The following PPP4R1 variants were observed in gnomAD, a reference collection of about 807,000 sequenced individuals.
The protein encoded by PPP4R1 is protein phosphatase 4 regulatory subunit 1.
A neutral mutation model predicts 111.2 loss-of-function variants in PPP4R1; 42 were observed. The ratio of observed to expected loss-of-function variants is 0.38; its 90% CI spans 0.29 to 0.49. The LOEUF is 0.49. PPP4R1 is among the 20% of genes least tolerant of loss of function. The probability of loss-of-function intolerance (pLI) is 0.97; values close to 1 mark genes in which losing one functional copy is unlikely to be tolerated. For synonymous variants in PPP4R1, 409 were observed against 405.5 expected (o/e 1.01, Z -0.10); for missense variants, 1,012 against 1,161.6 (o/e 0.87, Z 1.87).
At chr18:9,578,739 G>A (rs1385009183) in intron 9 of PPP4R1, among the ~76,000 whole-genome samples, 1 of 152,124 alleles carries the variant, frequency 6.6e-6, no homozygotes, top group Non-Finnish European at 1.5e-5. Context: ...TTATATGCAT[G>A]AGAGGGAAAA....
intron 13 of PPP4R1, among the ~76,000 whole-genome samples, chr18:9,561,616 T>C (rs973770202): frequency 5.9e-5 from 9 of 152,230 alleles, no homozygotes; most frequent in Non-Finnish European, 1.3e-4. Context: ...AGCTGTATTT[T>C]ATAATTATTG....
rs368725095 is a variant in PPP4R1, at chr18:9,593,880, C to T, written c.189-6G>A. On this transcript the variant is annotated splice_region_variant and splice_polypyrimidine_tract_variant and intron_variant, in intron 3 of 19. Transcript: ENST00000400556. ...AACTCCGGGCCACCATTTGTCTACA[C>T]AAAAAAAACAAAATTATGTATGTTC... 9 of 1,601,230 alleles carry T rather than the reference C, an allele frequency of 5.6e-6. No homozygotes were observed. Among genetic ancestry groups the T allele is most frequent in the East Asian group, 4.5e-5 (2 of 44,744 alleles).
chr18:9,549,932 G>A, intron 18 of PPP4R1, 120 bp downstream of exon 18: 1 of 1,411,722 alleles, frequency 7.1e-7, no homozygotes, highest in Non-Finnish European at 9.6e-7. Context: ...AAACAGCCAG[G>A]CTACTATAAG....
At chr18:9,566,924 GAT>G (rs2066777479) in intron 11 of PPP4R1, among the ~76,000 whole-genome samples, 1 of 152,142 alleles carries the variant, frequency 6.6e-6, no homozygotes, top group African/African-American at 2.4e-5. Context: ...CAAGAGCTCT[GAT>G]AGAGGCGTAT....
In PPP4R1 at chr18:9,588,731, G is replaced by A; in HGVS notation, c.418C>T (p.Leu140Phe). Residue 140 changes from leucine to phenylalanine, a missense_variant, in exon 5 of 20, where the codon CTT (leucine) becomes TTT (phenylalanine). By Grantham distance (22) the Leu-to-Phe change is conservative (BLOSUM62 0). Transcript: ENST00000400556. ...CTTACCTGATTATTCTGATCTGCAA[G>A]GTATCTAACCACAATAGGTAGTAAG... ...KFLLPIVVRY[L>F]ADQNNQVRKT... The A allele has an allele frequency of 1.9e-6, 3 of 1,611,552 alleles. No homozygotes were observed. The highest frequency in any genetic ancestry group is 2.5e-6 in the Non-Finnish European group (3 of 1,178,212).
intron 2 of PPP4R1, among the ~76,000 whole-genome samples, chr18:9,599,432 C>G (rs531634074): frequency 6.6e-6 from 1 of 152,172 alleles, no homozygotes; most frequent in African/African-American, 2.4e-5. Flanking sequence ...ATAAAGGGAA[C>G]AAGGAAGAGA....
At chr18:9,561,242 A>G (rs1306576501) in intron 13 of PPP4R1, among the ~76,000 whole-genome samples, 1 of 148,878 alleles carries the variant, frequency 6.7e-6, no homozygotes, top group African/African-American at 2.5e-5. Context: ...AATAATAATA[A>G]TAATAATAAT....
At chr18:9,584,173 A>C (rs329033) in intron 8 of PPP4R1, among the ~76,000 whole-genome samples, 17,832 of 152,206 alleles carry the variant, frequency 0.12, 1,268 homozygotes, top group Middle Eastern at 0.24. Context: ...TGTACTATTT[A>C]AAACTAACTT....
In PPP4R1 at chr18:9,550,094, A is replaced by G. The variant is rs374803778; in HGVS notation, c.2505T>C (p.Cys835=). 6.2e-7 allele frequency: 1 copy of G among 1,614,096 alleles called. No individual in the cohort carries two copies. Among genetic ancestry groups the G allele is most frequent in the Non-Finnish European group, 8.5e-7 (1 of 1,180,044 alleles). Residue 835 remains cysteine (C), a synonymous_variant, in exon 18 of 20, where the codon TGT becomes TGC. Transcript: ENST00000400556. ...AGGCTTGCCGACCAGACCACTTGGG[A>G]CATCTGCCAAAGTTCTCCACAAGCT... is the stretch of plus-strand genomic sequence containing the variant. The part of the protein sequence containing the change: ...INELVENFGR[C]PKWSGRQAFV...
At chr18:9,608,482 C>T (rs2067522571) in intron 2 of PPP4R1, among the ~76,000 whole-genome samples, 1 of 152,122 alleles carries the variant, frequency 6.6e-6, no homozygotes, top group Admixed American at 6.5e-5. Flanking sequence ...AGATAAGAAG[C>T]TAAGATGACT....
intron 10 of PPP4R1, among the ~76,000 whole-genome samples, chr18:9,572,932 G>A (rs117139664): frequency 2.1e-3 from 323 of 152,206 alleles, no homozygotes; most frequent in Non-Finnish European, 3.4e-3. Flanking sequence ...AGACTTTAAC[G>A]TTCTTACTCT....
intron 2 of PPP4R1, among the ~76,000 whole-genome samples, chr18:9,602,628 G>A (rs546043483): frequency 6.6e-6 from 1 of 151,808 alleles, no homozygotes; most frequent in East Asian, 1.9e-4. Flanking sequence ...GGGAGGCCAA[G>A]GTGGGCTGAT....
chr18:9,563,078 C>T (rs943999649), intron 12 of PPP4R1: 1 of 1,065,492 alleles, frequency 9.4e-7, no homozygotes, highest in Non-Finnish European at 1.1e-6. Context: ...GTTAATTATT[C>T]TTGATAAAGG....
chr18:9,601,182 C>T (rs1165056643), intron 2 of PPP4R1, among the ~76,000 whole-genome samples: 2 of 149,308 alleles, frequency 1.3e-5, no homozygotes, highest in South Asian at 2.1e-4. Flanking sequence ...AGTGTTCAAA[C>T]CAGGTTGTTA....
chr18:9,550,450 G>C (rs760995279), intron 16 of PPP4R1, 52 bp from the exon 17 acceptor site: 2 of 1,526,458 alleles, frequency 1.3e-6, no homozygotes, highest in South Asian at 2.4e-5. Context: ...CGAGACAAAT[G>C]AAAATAGGTT....
intron 10 of PPP4R1, among the ~76,000 whole-genome samples, chr18:9,571,997 C>T (rs2066870241): frequency 6.6e-6 from 1 of 152,204 alleles, no homozygotes; most frequent in Non-Finnish European, 1.5e-5. Flanking sequence ...TGATGATGTT[C>T]TGATGGAGGC....
intron 3 of PPP4R1, 24 bp from the exon 4 acceptor site, chr18:9,593,898 G>C: frequency 1.3e-6 from 2 of 1,572,488 alleles, no homozygotes; most frequent in Non-Finnish European, 1.7e-6. Flanking sequence ...ACAAAATTAT[G>C]TATGTTCAAT....
chr18:9,557,196 T>C, intron 15 of PPP4R1, 25 bp downstream of exon 15: 1 of 1,552,364 alleles, frequency 6.4e-7, no homozygotes, highest in Admixed American at 2.1e-5. Context: ...TGTTGTGTTT[T>C]TATGCAAAAA....
intron 4 of PPP4R1, 75 bp downstream of exon 4, chr18:9,593,693 A>C (rs1212525614): frequency 2.3e-6 from 3 of 1,285,740 alleles, no homozygotes; most frequent in Non-Finnish European, 3.3e-6. Flanking sequence ...TAACTTGTTC[A>C]TTAGTTTTTA....
Sources: allele counts gnomAD v4.1 joint callset (sites outside exome capture counted in the v4.1 genomes callset), GRCh38; gene constraint gnomAD v4.1.1; transcripts MANE v1.5; gene names NCBI Gene and HGNC (gene_info 2026-07-23, HGNC 2026-07-21).